CPNE4: variants seen among roughly 807,000 people sequenced by gnomAD.
CPNE4 encodes copine 4.
A neutral mutation model predicts 67.9 loss-of-function variants in CPNE4; 25 were observed. The ratio of observed to expected loss-of-function variants is 0.37; its 90% confidence interval spans 0.27 to 0.51. The LOEUF (loss-of-function observed/expected upper bound fraction) is 0.51. Among genes scored for constraint, CPNE4 ranks in the 20% least tolerant of loss-of-function variants. The probability of loss-of-function intolerance (pLI) is 0.93; values close to 1 mark genes in which losing one functional copy is unlikely to be tolerated. For synonymous variants in CPNE4, 242 were observed against 244.9 expected (o/e 0.99, Z 0.11); for missense variants, 464 against 690.8 (o/e 0.67, Z 3.68).
intron 2 of CPNE4, among the ~76,000 whole-genome samples, chr3:131,894,112 A>G (rs984573277): frequency 5.9e-5 from 9 of 151,934 alleles, no homozygotes; most frequent in African/African-American, 2.2e-4. Context: ...TTGATAACAT[A>G]GAAGAAATAC....
chr3:132,037,666 T>G (rs1470466291), upstream of CPNE4: 20 of 1,474,546 alleles, frequency 1.4e-5, no homozygotes. Flanking sequence ...TGTTCCCAAG[T>G]TGCAAAGGAA....
chr3:132,036,615 G>A (rs1233680877), upstream of CPNE4, among the ~76,000 whole-genome samples: 7 of 152,210 alleles, frequency 4.6e-5, no homozygotes, highest in Non-Finnish European at 1.0e-4. Context: ...GATTGAACTT[G>A]CAAAGATGAA....
chr3:131,612,158 G>C (rs1292439626), intron 7 of CPNE4, among the ~76,000 whole-genome samples: 2 of 151,700 alleles, frequency 1.3e-5, no homozygotes, highest in African/African-American at 4.8e-5. Context: ...CAGATCACTT[G>C]AGGTCAGGAG....
intron 3 of CPNE4, among the ~76,000 whole-genome samples, chr3:131,701,230 AC>A (rs1333732262): frequency 3.3e-5 from 5 of 151,978 alleles, no homozygotes; most frequent in Non-Finnish European, 5.9e-5. Context: ...GTACCCTAGA[AC>A]TTAAAGTACA....
chr3:131,672,444 C>T (rs1582997682), intron 6 of CPNE4, among the ~76,000 whole-genome samples: 1 of 152,256 alleles, frequency 6.6e-6, no homozygotes, highest in East Asian at 1.9e-4. Flanking sequence ...TACATTTCCA[C>T]CAACAGTATA....
chr3:132,002,460 CA>C (rs1386153128), intron 1 of CPNE4, among the ~76,000 whole-genome samples: 1 of 152,116 alleles, frequency 6.6e-6, no homozygotes, highest in Non-Finnish European at 1.5e-5. Context: ...ACATCTTACT[CA>C]AATACATTTC....
intron 7 of CPNE4, among the ~76,000 whole-genome samples, chr3:131,632,299 T>G (rs1422973135): frequency 1.3e-5 from 2 of 152,066 alleles, no homozygotes; most frequent in East Asian, 3.9e-4. Flanking sequence ...CATGAGCCAC[T>G]GTGCTCCGCC....
At chr3:131,626,370 C>G (rs1387779123) in intron 7 of CPNE4, among the ~76,000 whole-genome samples, 2 of 152,178 alleles carry the variant, frequency 1.3e-5, no homozygotes, top group Non-Finnish European at 2.9e-5. Context: ...AAGTACTACT[C>G]TAGTGAACAT....
At chr3:131,592,103 C>G (rs1490827482) in intron 7 of CPNE4, among the ~76,000 whole-genome samples, 1 of 152,198 alleles carries the variant, frequency 6.6e-6, no homozygotes, top group Non-Finnish European at 1.5e-5. Flanking sequence ...TCTGCCAGTT[C>G]ACCCAGTACA....
At chr3:131,798,118 C>T (rs758397302) in intron 2 of CPNE4, among the ~76,000 whole-genome samples, 1 of 152,140 alleles carries the variant, frequency 6.6e-6, no homozygotes, top group African/African-American at 2.4e-5. Context: ...TTATAACCTC[C>T]TCAGAGGCCT....
chr3:131,911,552 T>C (rs2088976787), intron 1 of CPNE4, among the ~76,000 whole-genome samples: 2 of 58,544 alleles, frequency 3.4e-5, no homozygotes, highest in Non-Finnish European at 3.8e-5. Context: ...GTTGTGTGTG[T>C]GTGTGTGTGT....
chr3:131,720,275 C>T (rs1318179096), intron 3 of CPNE4, among the ~76,000 whole-genome samples: 1 of 143,732 alleles, frequency 7.0e-6, no homozygotes, highest in Non-Finnish European at 1.5e-5. Flanking sequence ...ACCTTAGGAA[C>T]AGGAATGGGT....
intron 2 of CPNE4, among the ~76,000 whole-genome samples, chr3:131,850,396 G>A (rs1420131145): frequency 6.6e-6 from 1 of 152,030 alleles, no homozygotes; most frequent in Non-Finnish European, 1.5e-5. Context: ...CTAGCTGTGT[G>A]GCCTCGGACA....
chr3:131,882,636 A>C (rs2107721427), intron 2 of CPNE4, among the ~76,000 whole-genome samples: 1 of 152,292 alleles, frequency 6.6e-6, no homozygotes, highest in South Asian at 2.1e-4. Flanking sequence ...TTGTGCATTA[A>C]ATTCTTATAG....
At chr3:131,991,298 C>T (rs1390035375) in intron 1 of CPNE4, among the ~76,000 whole-genome samples, 1 of 136,140 alleles carries the variant, frequency 7.3e-6, no homozygotes, top group Non-Finnish European at 1.7e-5. Context: ...ACTCAGAAGA[C>T]AGGAAGATGT....
chr3:131,801,245 A>T (rs901824982), intron 2 of CPNE4, among the ~76,000 whole-genome samples: 2 of 151,072 alleles, frequency 1.3e-5, no homozygotes, highest in Non-Finnish European at 2.9e-5. Context: ...TAAAAAGCTT[A>T]TGCTGCTTTC....
intron 2 of CPNE4, among the ~76,000 whole-genome samples, chr3:131,886,819 T>A (rs1388577993): frequency 1.3e-5 from 2 of 152,218 alleles, no homozygotes; most frequent in Non-Finnish European, 2.9e-5. Context: ...TTTCTCCCAC[T>A]TGAAACAACT....
intron 2 of CPNE4, among the ~76,000 whole-genome samples, chr3:131,873,957 A>G (rs1467221443): frequency 6.6e-6 from 1 of 152,124 alleles, no homozygotes; most frequent in Non-Finnish European, 1.5e-5. Flanking sequence ...ATTTTTGTCT[A>G]TCTATGATTC....
At chr3:131,813,631 T>G (rs2084621345) in intron 2 of CPNE4, among the ~76,000 whole-genome samples, 1 of 152,082 alleles carries the variant, frequency 6.6e-6, no homozygotes, top group Admixed American at 6.5e-5. Context: ...AAACATTCCA[T>G]TTTATCTAAG....
Sources: allele counts gnomAD v4.1 joint callset (sites outside exome capture counted in the v4.1 genomes callset), GRCh38; gene constraint gnomAD v4.1.1; transcripts MANE v1.5; gene names NCBI Gene and HGNC (gene_info 2026-07-23, HGNC 2026-07-21).